Variants in ARHGAP26 observed in about 807,000 individuals in gnomAD.
The protein encoded by ARHGAP26 is Rho GTPase activating protein 26, also known as rho GTPase-activating protein 26.
Under a neutral mutation model 104.8 loss-of-function variants are expected in ARHGAP26, and 38 were observed. That is an observed-to-expected ratio of 0.36 (90% CI 0.28 to 0.48). The LOEUF (loss-of-function observed/expected upper bound fraction) is 0.48. Among genes scored for constraint, ARHGAP26 ranks in the 20% least tolerant of loss-of-function variants. ARHGAP26 has a pLI of 0.99. For missense variants in ARHGAP26, 704 were observed against 947.9 expected, an observed-to-expected ratio of 0.74 and a Z score of 3.38; for synonymous variants, 341 against 340.0, an observed-to-expected ratio of 1.00 and a Z score of -0.03.
chr5:142,858,692 G>C (rs2152296938), intron 1 of ARHGAP26, among the ~76,000 whole-genome samples: 1 of 152,232 alleles, frequency 6.6e-6, no homozygotes, highest in African/African-American at 2.4e-5. Flanking sequence ...GCCTGCCTGG[G>C]GTTTATAATG....
intron 17 of ARHGAP26, among the ~76,000 whole-genome samples, chr5:143,068,249 T>G (rs1787789477): frequency 6.6e-6 from 1 of 152,206 alleles, no homozygotes; most frequent in South Asian, 2.1e-4. Context: ...AATTGAACCA[T>G]CAGACATCGC....
chr5:143,018,890 T>A (rs2152830578), intron 12 of ARHGAP26, among the ~76,000 whole-genome samples: 1 of 152,296 alleles, frequency 6.6e-6, no homozygotes, highest in African/African-American at 2.4e-5. Context: ...TCTTTGCGAG[T>A]GCATTGAATC....
chr5:143,083,338 C>T (rs770051849), intron 17 of ARHGAP26, among the ~76,000 whole-genome samples: 4 of 152,158 alleles, frequency 2.6e-5, no homozygotes, highest in African/African-American at 9.7e-5. Flanking sequence ...ATCTTTGTCT[C>T]GTTTTCTCCC....
chr5:143,063,075 G>A (rs531689863), intron 17 of ARHGAP26, among the ~76,000 whole-genome samples: 4 of 152,304 alleles, frequency 2.6e-5, no homozygotes, highest in East Asian at 3.9e-4. Context: ...ACACCGCAGT[G>A]CTGCCAGTGC....
intron 22 of ARHGAP26, among the ~76,000 whole-genome samples, chr5:143,220,758 G>T (rs1811030380): frequency 6.6e-6 from 1 of 152,170 alleles, no homozygotes; most frequent in Non-Finnish European, 1.5e-5. Flanking sequence ...ACTAATAGAT[G>T]TTTAACCTTG....
chr5:142,892,977 C>G (rs1397903114), intron 5 of ARHGAP26, among the ~76,000 whole-genome samples: 2 of 131,566 alleles, frequency 1.5e-5, no homozygotes, highest in Non-Finnish European at 3.2e-5. Flanking sequence ...CCCACCCCAC[C>G]CCACCCCCCC....
intron 17 of ARHGAP26, among the ~76,000 whole-genome samples, chr5:143,096,344 T>G (rs1308270101): frequency 6.6e-6 from 1 of 152,212 alleles, no homozygotes; most frequent in Non-Finnish European, 1.5e-5. Flanking sequence ...AATTATGACG[T>G]TTTCTTGAAA....
At chr5:142,953,716 G>T (rs191152990) in intron 11 of ARHGAP26, among the ~76,000 whole-genome samples, 2 of 152,256 alleles carry the variant, frequency 1.3e-5, no homozygotes, top group African/African-American at 4.8e-5. Context: ...TAAAACTTAT[G>T]GAGTGCCAAC....
intron 10 of ARHGAP26, among the ~76,000 whole-genome samples, chr5:142,918,152 T>C (rs963248462): frequency 1.4e-4 from 21 of 152,148 alleles, no homozygotes; most frequent in African/African-American, 4.6e-4. Flanking sequence ...TTTATTTTAT[T>C]TATTTTATTT....
chr5:143,196,321 C>T (rs1008984868), intron 20 of ARHGAP26, among the ~76,000 whole-genome samples: 1 of 152,084 alleles, frequency 6.6e-6, no homozygotes, highest in South Asian at 2.1e-4. Context: ...TATATTTTAA[C>T]CTCATAAATA....
At chr5:142,941,576 TGTGA>T (rs927669683) in intron 11 of ARHGAP26, among the ~76,000 whole-genome samples, 1 of 152,208 alleles carries the variant, frequency 6.6e-6, no homozygotes, top group African/African-American at 2.4e-5. Flanking sequence ...TTTTGTGTCA[TGTGA>T]GTGCTTTTAT....
intron 20 of ARHGAP26, among the ~76,000 whole-genome samples, chr5:143,164,209 AG>A (rs911369360): frequency 2.0e-5 from 3 of 152,214 alleles, no homozygotes; most frequent in Non-Finnish European, 2.9e-5. Flanking sequence ...GGAAAAGGAA[AG>A]TTTTGAGAAT....
intron 16 of ARHGAP26, 88 bp downstream of exon 16, chr5:143,056,174 T>G: frequency 9.3e-7 from 1 of 1,079,444 alleles, no homozygotes; most frequent in Non-Finnish European, 1.4e-6. Flanking sequence ...AAATATTACC[T>G]AACCCTTCGT....
rs192483873 is a variant in ARHGAP26 at position 142,988,196 on chromosome 5, A to G, written c.1108-25884A>G. ...TGTTATTGGTCTATTCAGGGATTCAACTTCTTCCTGGTTTAGTCTTGGGAG... is the reference window on the plus strand; with the variant it reads ...TGTTATTGGTCTATTCAGGGATTCAGCTTCTTCCTGGTTTAGTCTTGGGAG... On this transcript the variant is annotated intron_variant, in intron 11 of 22. Coordinates refer to ENST00000645722, the MANE Select transcript of ARHGAP26 (RefSeq NM_001135608.3). 2.1e-4 allele frequency among the ~76,000 whole-genome samples: 32 copies of G among 152,212 alleles called. 1 individual carries two copies. Among genetic ancestry groups the G allele is most frequent in the Admixed American group, 4.6e-4 (7 of 15,300 alleles).
Position 143,147,241 on chromosome 5 carries a change from G to A in ARHGAP26, c.1848G>A (p.Arg616=). ...GCTTTTCCCCCCCAGAGGAACAAAGGAACAGCATCATCAACTCCAGTTTGG... is the reference window on the plus strand; with the variant it reads ...GCTTTTCCCCCCCAGAGGAACAAAGAAACAGCATCATCAACTCCAGTTTGG... ...TVQSTEKQEQ[R]NSIINSSLES... is the part of the protein sequence containing the mutation. The change falls in exon 20 of 23, where the codon AGG becomes AGA. Residue 616 remains arginine (R), a synonymous_variant. Transcript: ENST00000645722. 6.2e-7 allele frequency: 1 copy of A among 1,613,876 alleles called. No individual in the cohort carries two copies. Among genetic ancestry groups the A allele is most frequent in the Non-Finnish European group, 8.5e-7 (1 of 1,179,894 alleles).
At chr5:142,963,206 G>GTATATATATA (rs1770698477) in intron 11 of ARHGAP26, among the ~76,000 whole-genome samples, 1 of 97,662 alleles carries the variant, frequency 1.0e-5, no homozygotes. Flanking sequence ...ATATGTGTGT[G>GTATATATATA]TGTGTGTGTG....
At chr5:142,777,075 T>C (rs946567713) in intron 1 of ARHGAP26, among the ~76,000 whole-genome samples, 1 of 152,256 alleles carries the variant, frequency 6.6e-6, no homozygotes, top group Non-Finnish European at 1.5e-5. Flanking sequence ...TTTGCTGAAA[T>C]GTCTATTCAG....
At chr5:142,954,833 G>A (rs79173497) in intron 11 of ARHGAP26, among the ~76,000 whole-genome samples, 1 of 152,266 alleles carries the variant, frequency 6.6e-6, no homozygotes, top group South Asian at 2.1e-4. Flanking sequence ...CTTTGTTTAG[G>A]AATGTGCAGT....
chr5:143,055,124 T>C (rs1262216577), intron 15 of ARHGAP26, among the ~76,000 whole-genome samples: 2 of 152,206 alleles, frequency 1.3e-5, no homozygotes, highest in Admixed American at 1.3e-4. Context: ...CTTAGTTTCA[T>C]GAATAGACCA....
Sources: gnomAD v4.1 joint callset for allele counts (sites outside exome capture counted in the v4.1 genomes callset) on GRCh38, gnomAD v4.1.1 for gene constraint, MANE v1.5 for transcripts, NCBI Gene and HGNC (gene_info 2026-07-23, HGNC 2026-07-21) for gene names.